Variants in RXFP1 observed in about 807,000 individuals in gnomAD.
RXFP1 encodes the protein relaxin family peptide receptor 1.
Under a neutral mutation model 89.8 loss-of-function variants are expected in RXFP1, and 73 were observed. The observed-to-expected ratio is 0.81, with a 90% CI of 0.67 to 0.99. The LOEUF (loss-of-function observed/expected upper bound fraction) is 0.99, where lower values mean the gene tolerates loss of function less well. Among genes scored for constraint, RXFP1 ranks in the 50% least tolerant of loss-of-function variants. The pLI is 0.00. For synonymous variants in RXFP1, 277 were observed against 305.5 expected (o/e 0.91, Z 0.97); for missense variants, 793 against 895.5 (o/e 0.89, Z 1.46).
At chr4:158,646,766 A>G (rs752733946) in intron 15 of RXFP1, 25 bp from the exon 16 acceptor site, 1 of 1,535,270 alleles carries the variant, frequency 6.5e-7, no homozygotes. Context: ...ATTTCTCTAA[A>G]TTTGTGAAAC....
chr4:158,643,326 T>C (rs1770754246), intron 14 of RXFP1, among the ~76,000 whole-genome samples: 1 of 152,164 alleles, frequency 6.6e-6, no homozygotes, highest in African/African-American at 2.4e-5. Context: ...AGGACTCTCT[T>C]ACCCTCACTA....
At position 158,652,163 on chromosome 4, in the gene RXFP1, A is replaced by T. The variant is rs1448751978; in HGVS notation, c.*108A>T. 4.4e-6 allele frequency: 4 copies of T among 906,372 alleles called. No individual in the cohort carries two copies. Among genetic ancestry groups the T allele is most frequent in the African/African-American group, 1.7e-5 (1 of 59,118 alleles). The allele number at this position is 906,372 out of a possible 1,614,324, so 56.1% of individuals were successfully genotyped here. On this transcript the variant is annotated 3_prime_UTR_variant, in exon 18 of 18. Transcript: ENST00000307765. ...AAATTAATTTATAATAATAGCTAAGATAAATATTTTACAAGGACATGAGGA... is the reference window on the plus strand; with the variant it reads ...AAATTAATTTATAATAATAGCTAAGTTAAATATTTTACAAGGACATGAGGA...
Position 158,645,134 on chromosome 4 carries a change from C to G in RXFP1, c.1341C>G (p.Leu447=), listed in dbSNP as rs1479232116. 6 of 1,606,302 alleles carry G rather than the reference C, an allele frequency of 3.7e-6. No homozygotes were observed. In the Admixed American group the frequency reaches 8.3e-5, roughly 22 times the overall value. The change falls in exon 15 of 18, where the codon CTC becomes CTG. Residue 447 remains leucine (L), a synonymous_variant. Coordinates refer to ENST00000307765, the MANE Select transcript of RXFP1 (RefSeq NM_021634.4). Reference sequence around the variant, plus strand: ...TGTATGCCATGTCAATCATTTCTCTCTGCTGTGAGTATTTCCTGGTTAAAG... The same window carrying G: ...TGTATGCCATGTCAATCATTTCTCTGTGCTGTGAGTATTTCCTGGTTAAAG... ...NKLYAMSIIS[L]CCADCLMGIY...
At chr4:158,564,506 C>A (rs1277225963) in intron 1 of RXFP1, among the ~76,000 whole-genome samples, 1 of 152,168 alleles carries the variant, frequency 6.6e-6, no homozygotes, top group Non-Finnish European at 1.5e-5. Flanking sequence ...CCTTTTCATC[C>A]TCCAAGCCAG....
Position 158,647,262 on chromosome 4 carries a change from G to A in RXFP1, c.1756+61G>A, listed in dbSNP as rs1771751756. 12 of 1,358,166 alleles carry A rather than the reference G, an allele frequency of 8.8e-6. No individual in the cohort carries two copies. The South Asian group carries it at 1.2e-4, about 13-fold the overall frequency. 84.1% of individuals were successfully genotyped at this position (1,358,166 alleles called of 1,614,324 possible). A position where few individuals can be genotyped will look rare whatever the true frequency, so the allele number is the denominator to read the frequency against. ...ATTTCAAATCTTCCAACCAGTTTTT[G>A]TTAGTAAGAATGAGGGTGAATTCTA... On this transcript the variant is annotated intron_variant, in intron 16 of 17. Transcript: ENST00000307765.
At chr4:158,522,369 A>G (rs1405203005) in intron 1 of RXFP1, among the ~76,000 whole-genome samples, 1 of 152,224 alleles carries the variant, frequency 6.6e-6, no homozygotes, top group African/African-American at 2.4e-5. Flanking sequence ...AACTCCTAGG[A>G]AAGTTCTCAC....
At chr4:158,537,993 A>G (rs922477461) in intron 1 of RXFP1, among the ~76,000 whole-genome samples, 1 of 152,206 alleles carries the variant, frequency 6.6e-6, no homozygotes. Context: ...CAATGCAGGC[A>G]CTCAGATAGG....
chr4:158,531,872 G>A (rs539988042), intron 1 of RXFP1, among the ~76,000 whole-genome samples: 1 of 152,014 alleles, frequency 6.6e-6, no homozygotes, highest in African/African-American at 2.4e-5. Flanking sequence ...TTAAAATGAG[G>A]CACTTTTTCT....
rs565871304 is a variant in RXFP1 at position 158,638,238 on chromosome 4, C to T, written c.1043+159C>T. On this transcript the variant is annotated intron_variant, in intron 13 of 17. Transcript: ENST00000307765. ...GGGTGCTTGCTGAACTATAAACAGA[C>T]AACTATTAGTTTTATCTTATATACT... 7.7e-4 allele frequency among the ~76,000 whole-genome samples: 117 copies of T among 152,168 alleles called. 1 individual carries two copies. The highest frequency in any genetic ancestry group is 2.8e-3 in the Admixed American group (43 of 15,280).
intron 2 of RXFP1, among the ~76,000 whole-genome samples, chr4:158,586,420 A>G (rs940253180): frequency 2.6e-5 from 4 of 152,168 alleles, no homozygotes; most frequent in African/African-American, 9.7e-5. Context: ...ACCCATATAT[A>G]CTGGAAACCA....
In RXFP1 at chr4:158,541,381, C is replaced by CACACACACAG. The variant is rs1224658158; in HGVS notation, c.49+19357_49+19358insCACACACAGA. Among the ~76,000 whole-genome samples, 3 of 148,758 alleles carry CACACACACAG rather than the reference C, an allele frequency of 2.0e-5. No homozygotes were observed. The East Asian group carries it at 5.8e-4, about 29-fold the overall frequency. ...ACACACACACACACACACACACACA[C>CACACACACAG]AGTGTCCAGGGTAATTTCATATTTA... On this transcript the variant is annotated intron_variant, in intron 1 of 17. Coordinates refer to ENST00000307765, the MANE Select transcript of RXFP1 (RefSeq NM_021634.4).
intron 1 of RXFP1, among the ~76,000 whole-genome samples, chr4:158,558,590 GAT>G (rs1266463084): frequency 1.3e-5 from 2 of 152,100 alleles, no homozygotes; most frequent in African/African-American, 4.8e-5. Context: ...AGCCACAAAA[GAT>G]ATATAGTCTT....
intron 11 of RXFP1, among the ~76,000 whole-genome samples, chr4:158,629,202 C>G (rs1267716406): frequency 2.6e-5 from 4 of 152,032 alleles, no homozygotes; most frequent in African/African-American, 7.3e-5. Context: ...AGGTGCATCC[C>G]ACCATGCCCA....
rs1580353856 is a variant in RXFP1 at position 158,650,477 on chromosome 4, A to T, written c.1976-1280A>T. Among the ~76,000 whole-genome samples the T allele has an allele frequency of 2.0e-5, 3 of 150,536 alleles. No homozygotes were observed. In the East Asian group the frequency reaches 5.8e-4, roughly 29 times the overall value. ...ATGCAGTTTGTATTCACATTTTAAA[A>T]TTTTCATGTAGCAGGGCGCAGTGGC... On this transcript the variant is annotated intron_variant, in intron 17 of 17. Coordinates refer to ENST00000307765, the MANE Select transcript of RXFP1 (RefSeq NM_021634.4).
intron 5 of RXFP1, chr4:158,607,190 T>C: frequency 8.2e-7 from 1 of 1,215,922 alleles, no homozygotes; most frequent in Non-Finnish European, 1.2e-6. Flanking sequence ...TAGCGTATAC[T>C]CTGGTACCCA....
At chr4:158,589,498 A>G (rs761587561) in intron 2 of RXFP1, among the ~76,000 whole-genome samples, 1 of 152,114 alleles carries the variant, frequency 6.6e-6, no homozygotes, top group Admixed American at 6.5e-5. Flanking sequence ...TCCAGTTATA[A>G]TAGGTTGAGA....
At chr4:158,649,585 T>C (rs1423899291) in intron 17 of RXFP1, among the ~76,000 whole-genome samples, 1 of 152,110 alleles carries the variant, frequency 6.6e-6, no homozygotes, top group African/African-American at 2.4e-5. Flanking sequence ...CACTCCCGTC[T>C]GGGTGACAGA....
intron 1 of RXFP1, among the ~76,000 whole-genome samples, chr4:158,565,446 T>C (rs572838408): frequency 2.6e-4 from 39 of 152,294 alleles, no homozygotes; most frequent in African/African-American, 8.9e-4. Context: ...TTACCTTGTG[T>C]CTACATCTTG....
intron 9 of RXFP1, among the ~76,000 whole-genome samples, chr4:158,623,253 C>T (rs528541760): frequency 8.8e-4 from 133 of 151,288 alleles, no homozygotes; most frequent in African/African-American, 2.9e-3. Flanking sequence ...AATCCCAGTA[C>T]TTTGGGAGGC....
Sources: allele counts gnomAD v4.1 joint callset (sites outside exome capture counted in the v4.1 genomes callset), GRCh38; gene constraint gnomAD v4.1.1; transcripts MANE v1.5; gene names NCBI Gene and HGNC (gene_info 2026-07-23, HGNC 2026-07-21).